The following DGKB variants were observed in gnomAD, a reference collection of about 807,000 sequenced individuals.
The protein encoded by DGKB is diacylglycerol kinase beta, also known as 90 kDa diacylglycerol kinase.
Under a neutral mutation model 114.3 loss-of-function variants are expected in DGKB, and 67 were observed. The ratio of observed to expected loss-of-function variants is 0.59; its 90% CI spans 0.48 to 0.72. DGKB has a LOEUF of 0.72. DGKB is among the 30% of genes least tolerant of loss of function. The pLI is 0.00. For synonymous variants in DGKB, 398 were observed against 323.1 expected (o/e 1.23, Z -2.49); for missense variants, 907 against 975.2 (o/e 0.93, Z 0.93).
chr7:14,217,738 T>C (rs538400371), intron 23 of DGKB, among the ~76,000 whole-genome samples: 4 of 152,182 alleles, frequency 2.6e-5, no homozygotes, highest in African/African-American at 7.2e-5. Flanking sequence ...TCAAACTATC[T>C]AGTCCCTTAC....
intron 17 of DGKB, among the ~76,000 whole-genome samples, chr7:14,593,738 C>T (rs1357691820): frequency 6.6e-6 from 1 of 151,612 alleles, no homozygotes; most frequent in Non-Finnish European, 1.5e-5. Flanking sequence ...CTGCACTAGG[C>T]CCCAACAGAC....
At chr7:14,406,467 T>C (rs1560574) in intron 21 of DGKB, among the ~76,000 whole-genome samples, 113,667 of 151,430 alleles carry the variant, frequency 0.75, 43,236 homozygotes, top group Middle Eastern at 0.83. Flanking sequence ...ATGAAGATAT[T>C]AGAAAAAAGT....
At chr7:14,218,881 G>A (rs923813835) in intron 23 of DGKB, among the ~76,000 whole-genome samples, 2 of 151,694 alleles carry the variant, frequency 1.3e-5, no homozygotes. Context: ...AAGAAACCCT[G>A]TATCTTTTAG....
At chr7:14,282,717 T>C (rs200102815) in intron 23 of DGKB, among the ~76,000 whole-genome samples, 113,299 of 149,348 alleles carry the variant, frequency 0.76, 43,945 homozygotes, top group South Asian at 0.85. Context: ...TATACGCAAA[T>C]CAATAAATGT....
chr7:14,559,349 A>C (rs1796319066), intron 20 of DGKB, among the ~76,000 whole-genome samples: 1 of 152,156 alleles, frequency 6.6e-6, no homozygotes. Context: ...TTTGCTCTGC[A>C]GTCCTCCTAC....
intron 2 of DGKB, among the ~76,000 whole-genome samples, chr7:14,829,851 A>G (rs559621474): frequency 6.6e-5 from 10 of 152,256 alleles, no homozygotes; most frequent in African/African-American, 2.4e-4. Flanking sequence ...GTAGTGCCTC[A>G]TAAGTGGCTT....
At chr7:14,673,400 C>CTTTTTTTTTT (rs374138480) in intron 12 of DGKB, among the ~76,000 whole-genome samples, 2 of 131,090 alleles carry the variant, frequency 1.5e-5, no homozygotes, top group Non-Finnish European at 1.6e-5. Context: ...CCTGTGTATG[C>CTTTTTTTTTT]TTTTTTTTTT....
chr7:14,156,297 G>C (rs912457684), intron 25 of DGKB, among the ~76,000 whole-genome samples: 3 of 152,060 alleles, frequency 2.0e-5, no homozygotes, highest in Non-Finnish European at 4.4e-5. Context: ...ATATTAGAGA[G>C]TGATCTACTG....
intron 23 of DGKB, among the ~76,000 whole-genome samples, chr7:14,222,174 T>C (rs564871529): frequency 6.6e-6 from 1 of 151,138 alleles, no homozygotes; most frequent in Non-Finnish European, 1.5e-5. Flanking sequence ...CTTTGTTTTT[T>C]CCTTCCTTCT....
At chr7:14,266,040 T>C (rs1050127885) in intron 23 of DGKB, among the ~76,000 whole-genome samples, 5 of 152,154 alleles carry the variant, frequency 3.3e-5, no homozygotes, top group Non-Finnish European at 5.9e-5. Flanking sequence ...TGCTACTGAG[T>C]GCATGTTAGT....
intron 25 of DGKB, among the ~76,000 whole-genome samples, chr7:14,157,127 A>G (rs532881696): frequency 1.3e-5 from 2 of 152,230 alleles, no homozygotes; most frequent in African/African-American, 2.4e-5. Flanking sequence ...GGGTTTTCAG[A>G]GCAAAATAAA....
At chr7:14,457,732 G>A (rs1832482704) in intron 21 of DGKB, among the ~76,000 whole-genome samples, 1 of 152,126 alleles carries the variant, frequency 6.6e-6, no homozygotes, top group Non-Finnish European at 1.5e-5. Context: ...GCTGGACTAA[G>A]GTACACAGAT....
intron 13 of DGKB, among the ~76,000 whole-genome samples, chr7:14,642,392 G>A (rs1182414997): frequency 2.0e-5 from 3 of 151,666 alleles, no homozygotes; most frequent in Non-Finnish European, 4.4e-5. Flanking sequence ...TATTTTATTT[G>A]GCAACAGGTA....
chr7:14,317,486 C>G (rs1255926130), intron 23 of DGKB, among the ~76,000 whole-genome samples: 1 of 151,786 alleles, frequency 6.6e-6, no homozygotes, highest in Non-Finnish European at 1.5e-5. Context: ...TCCTATACAC[C>G]AACCACAGAC....
Position 14,286,996 on chromosome 7 carries a change from A to T in DGKB, c.2122+51519T>A, listed in dbSNP as rs184895946. Among the ~76,000 whole-genome samples, 82 of 152,174 alleles carry T rather than the reference A, an allele frequency of 5.4e-4. 1 individual carries two copies. The South Asian group carries it at 6.4e-3, about 12-fold the overall frequency. On this transcript the variant is annotated intron_variant, in intron 23 of 25. Transcript: ENST00000402815. ...TATATATACACATATTAACTTTTACAACAAAACGTGTTATTTTTGGTGTAT... is the reference window on the plus strand; with the variant it reads ...TATATATACACATATTAACTTTTACTACAAAACGTGTTATTTTTGGTGTAT...
intron 13 of DGKB, among the ~76,000 whole-genome samples, chr7:14,630,509 C>T (rs1809483328): frequency 6.6e-6 from 1 of 152,072 alleles, no homozygotes; most frequent in African/African-American, 2.4e-5. Flanking sequence ...ACAACTTCAT[C>T]TACCCAAAGC....
intron 2 of DGKB, among the ~76,000 whole-genome samples, chr7:14,796,687 T>TAAA (rs59325137): frequency 0.11 from 16,175 of 140,876 alleles, 1,066 homozygotes; most frequent in African/African-American, 0.19. Context: ...TTCTAGAAAG[T>TAAA]AAAAAAAAAA....
intron 21 of DGKB, among the ~76,000 whole-genome samples, chr7:14,419,340 G>A (rs1039523574): frequency 1.8e-4 from 28 of 151,828 alleles, no homozygotes; most frequent in African/African-American, 6.5e-4. Context: ...AATTGTACTA[G>A]GAAATACACA....
intron 20 of DGKB, among the ~76,000 whole-genome samples, chr7:14,508,843 C>A (rs1171348455): frequency 6.6e-6 from 1 of 152,104 alleles, no homozygotes; most frequent in Non-Finnish European, 1.5e-5. Flanking sequence ...TACTATCATT[C>A]TGACGTTTTA....
Sources: allele counts gnomAD v4.1 joint callset (sites outside exome capture counted in the v4.1 genomes callset), GRCh38; gene constraint gnomAD v4.1.1; transcripts MANE v1.5; gene names NCBI Gene and HGNC (gene_info 2026-07-23, HGNC 2026-07-21).